Variants in RORA observed in about 807,000 individuals in gnomAD.
The protein encoded by RORA is nuclear receptor ROR-alpha.
RORA carries 7 observed loss-of-function variants against 69.5 expected under a neutral mutation model. The observed-to-expected ratio is 0.10, with a 90% CI of 0.06 to 0.19. RORA has a LOEUF of 0.19. RORA is among the 10% of genes least tolerant of loss of function. The pLI is 1.00. For synonymous variants in RORA, 261 were observed against 240.8 expected (o/e 1.08, Z -0.78); for missense variants, 457 against 663.0 (o/e 0.69, Z 3.41).
At chr15:61,025,072 C>A (rs1895732360) in intron 1 of RORA, among the ~76,000 whole-genome samples, 1 of 152,072 alleles carries the variant, frequency 6.6e-6, no homozygotes, top group South Asian at 2.1e-4. Context: ...AGGCCCAGAT[C>A]ACATATCTAA....
chr15:60,508,974 T>C (rs2065604410), intron 5 of RORA, among the ~76,000 whole-genome samples: 1 of 152,238 alleles, frequency 6.6e-6, no homozygotes, highest in Non-Finnish European at 1.5e-5. Flanking sequence ...TTGTGCATAC[T>C]ACACTTGAAA....
At chr15:60,648,302 C>A (rs1417435819) in intron 2 of RORA, among the ~76,000 whole-genome samples, 1 of 152,134 alleles carries the variant, frequency 6.6e-6, no homozygotes, top group Non-Finnish European at 1.5e-5. Context: ...CTAATTATAT[C>A]AATATTGGAT....
intron 1 of RORA, among the ~76,000 whole-genome samples, chr15:60,911,069 A>ATTTTTTTTTTTT (rs528370848): frequency 2.2e-5 from 2 of 89,698 alleles, no homozygotes; most frequent in African/African-American, 5.2e-5. Flanking sequence ...TGCCCAGCTA[A>ATTTTTTTTTTTT]TTTTTTTTTT....
chr15:61,083,994 C>T (rs2078585058), intron 1 of RORA, among the ~76,000 whole-genome samples: 1 of 152,092 alleles, frequency 6.6e-6, no homozygotes, highest in Non-Finnish European at 1.5e-5. Flanking sequence ...ATTTAAGGCC[C>T]AAGAGTTAGC....
chr15:60,845,522 C>T (rs1308694985), intron 1 of RORA, among the ~76,000 whole-genome samples: 1 of 152,136 alleles, frequency 6.6e-6, no homozygotes, highest in Non-Finnish European at 1.5e-5. Flanking sequence ...CCGGGGGTGC[C>T]GATTGGAAGC....
intron 1 of RORA, among the ~76,000 whole-genome samples, chr15:61,073,041 G>T (rs556378581): frequency 2.6e-5 from 4 of 152,328 alleles, no homozygotes; most frequent in African/African-American, 9.6e-5. Flanking sequence ...AGGGTTTCCT[G>T]TCCACTTTTC....
intron 8 of RORA, 41 bp from the exon 9 acceptor site, chr15:60,501,110 T>C (rs1212230116): frequency 1.6e-6 from 2 of 1,229,042 alleles, no homozygotes; most frequent in Non-Finnish European, 2.4e-6. Context: ...ATTTTGATTA[T>C]TGTCTTAGGA....
intron 2 of RORA, among the ~76,000 whole-genome samples, chr15:60,643,420 G>A (rs941838111): frequency 2.6e-5 from 4 of 152,116 alleles, no homozygotes; most frequent in East Asian, 3.8e-4. Flanking sequence ...TTTCCTATTC[G>A]AGAGATTTCT....
At position 60,596,034 on chromosome 15, in the gene RORA, T is replaced by C. The variant is rs1029881464; in HGVS notation, c.197-64183A>G. Among the ~76,000 whole-genome samples the C allele has an allele frequency of 3.9e-5, 6 of 152,224 alleles. No homozygotes were observed. In the East Asian group the frequency reaches 1.2e-3, roughly 29 times the overall value. On this transcript the variant is annotated intron_variant, in intron 2 of 10. Transcript: ENST00000335670. ...GCAGGAGTCTAGACGGTAGTATCAC[T>C]AGTAAATTGGTGCCAGTCTTCCTAT... is the stretch of plus-strand genomic sequence containing the variant.
At chr15:61,198,881 A>T (rs1596066564) in intron 1 of RORA, among the ~76,000 whole-genome samples, 1 of 151,102 alleles carries the variant, frequency 6.6e-6, no homozygotes, top group African/African-American at 2.4e-5. Context: ...TCCTTCTTTC[A>T]CTCACCCGCC....
At chr15:60,508,310 C>T (rs1341817247) in intron 5 of RORA, among the ~76,000 whole-genome samples, 2 of 152,128 alleles carry the variant, frequency 1.3e-5, no homozygotes, top group Admixed American at 6.5e-5. Context: ...ATACAGCCAG[C>T]GCCTCGATAC....
chr15:60,607,396 G>A (rs1276299498), intron 2 of RORA, among the ~76,000 whole-genome samples: 1 of 152,098 alleles, frequency 6.6e-6, no homozygotes, highest in East Asian at 1.9e-4. Context: ...ATAGAAATAC[G>A]CTGCAGAAAA....
intron 1 of RORA, among the ~76,000 whole-genome samples, chr15:60,951,122 G>A (rs376511382): frequency 1.2e-4 from 19 of 152,192 alleles, no homozygotes; most frequent in East Asian, 3.9e-4. Context: ...ACTAGAACTC[G>A]GGATTAAGAA....
intron 2 of RORA, among the ~76,000 whole-genome samples, chr15:60,606,259 C>G (rs1286233051): frequency 6.6e-6 from 1 of 152,166 alleles, no homozygotes; most frequent in Non-Finnish European, 1.5e-5. Context: ...AGCAAGCATT[C>G]AGTAAATGCT....
chr15:61,032,521 T>C (rs1419888358), intron 1 of RORA, among the ~76,000 whole-genome samples: 2 of 152,184 alleles, frequency 1.3e-5, no homozygotes, highest in Middle Eastern at 3.2e-3. Context: ...TAGACCAAAA[T>C]TGCCCACTTC....
intron 1 of RORA, among the ~76,000 whole-genome samples, chr15:60,745,711 A>G (rs2140854686): frequency 6.6e-6 from 1 of 152,332 alleles, no homozygotes; most frequent in South Asian, 2.1e-4. Context: ...ATGCCTGTAG[A>G]CATGGCGACA....
chr15:60,589,298 G>A (rs2068428333), intron 2 of RORA, among the ~76,000 whole-genome samples: 1 of 152,216 alleles, frequency 6.6e-6, no homozygotes. Context: ...TCAAAGTGGT[G>A]AGGAGTCTTG....
At chr15:60,569,235 G>A (rs993022506) in intron 2 of RORA, among the ~76,000 whole-genome samples, 4 of 148,490 alleles carry the variant, frequency 2.7e-5, no homozygotes, top group African/African-American at 1.0e-4. Context: ...TAGGCCACAT[G>A]GAGAGACTCC....
At chr15:61,072,944 A>G (rs1463214476) in intron 1 of RORA, among the ~76,000 whole-genome samples, 1 of 152,270 alleles carries the variant, frequency 6.6e-6, no homozygotes, top group African/African-American at 2.4e-5. Flanking sequence ...TTGCATTCCA[A>G]TGGAGTTCCA....
Sources: allele counts gnomAD v4.1 joint callset (sites outside exome capture counted in the v4.1 genomes callset), GRCh38; gene constraint gnomAD v4.1.1; transcripts MANE v1.5; gene names NCBI Gene and HGNC (gene_info 2026-07-23, HGNC 2026-07-21).